ACOT7: variants seen among roughly 807,000 people sequenced by gnomAD.
ACOT7 encodes the protein acyl-CoA thioesterase 7.
A neutral mutation model predicts 40.2 loss-of-function variants in ACOT7; 12 were observed. The ratio of observed to expected loss-of-function variants is 0.30; its 90% CI spans 0.19 to 0.48. The LOEUF (loss-of-function observed/expected upper bound fraction) is 0.48, where lower values mean the gene tolerates loss of function less well. Among genes scored for constraint, ACOT7 ranks in the 20% least tolerant of loss-of-function variants. The pLI, the probability that ACOT7 is intolerant of heterozygous loss-of-function variation, is 0.99. For missense variants in ACOT7, 395 were observed against 530.8 expected, an observed-to-expected ratio of 0.74 and a Z score of 2.51; for synonymous variants, 228 against 219.5, an observed-to-expected ratio of 1.04 and a Z score of -0.34.
At chr1:6,390,688 C>T (rs1642517980) in intron 1 of ACOT7, among the ~76,000 whole-genome samples, 1 of 151,840 alleles carries the variant, frequency 6.6e-6, no homozygotes, top group Admixed American at 6.6e-5. Context: ...GTAATCCCAG[C>T]ACTTTGGGAG....
intron 6 of ACOT7, among the ~76,000 whole-genome samples, chr1:6,305,749 C>G (rs1196084468): frequency 6.7e-6 from 1 of 150,234 alleles, no homozygotes; most frequent in African/African-American, 2.4e-5. Flanking sequence ...AGACGACGGG[C>G]GGCCAGGCAG....
chr1:6,290,346 G>A lies in ACOT7; in HGVS notation c.829+4518C>T, dbSNP rs568688203. Among the ~76,000 whole-genome samples, 5 of 152,276 alleles carry A rather than the reference G, an allele frequency of 3.3e-5. No homozygotes were observed. In the East Asian group the frequency reaches 5.8e-4, roughly 18 times the overall value. ...TCATGGAGGCCACATGACTGGCAAC[G>A]GGTCTCAACTCCTGGGCTTTTCCCC... On this transcript the variant is annotated intron_variant, in intron 7 of 8. Coordinates refer to ENST00000361521, the MANE Select transcript of ACOT7 (RefSeq NM_007274.4).
At chr1:6,378,318 C>T (rs115323043) in intron 1 of ACOT7, among the ~76,000 whole-genome samples, 1,717 of 151,772 alleles carry the variant, frequency 0.011, 36 homozygotes, top group African/African-American at 0.039. Context: ...CGCCAGACTG[C>T]GGCAGATGGT....
At position 6,349,818 on chromosome 1, in the gene ACOT7, C is replaced by T. The variant is rs779581844; in HGVS notation, c.192G>A (p.Gly64=). The change falls in exon 2 of 9, where the codon GGG becomes GGA. Residue 64 remains glycine (G), a synonymous_variant. Coordinates refer to ENST00000361521, the MANE Select transcript of ACOT7 (RefSeq NM_007274.4). The part of the protein sequence containing the change: ...DANVAGNVHG[G]TILKMIEEAG... ...CCTCCTCGATCATCTTCAGGATGGT[C>T]CCCCCGTGGACATTGCCGGCCACGT... is the stretch of plus-strand genomic sequence containing the variant. The T allele has an allele frequency of 1.3e-5, 21 of 1,613,912 alleles. No individual in the cohort carries two copies. The South Asian group carries it at 1.9e-4, about 14-fold the overall frequency.
At chr1:6,318,650 G>A (rs949158489) in intron 5 of ACOT7, 72 bp from the exon 6 acceptor site, 19 of 1,469,728 alleles carry the variant, frequency 1.3e-5, no homozygotes, top group African/African-American at 8.3e-5. Context: ...TGGCAATGCC[G>A]AAACCACCCT....
Position 6,369,828 on chromosome 1 carries a change from C to T in ACOT7, c.144-19962G>A, listed in dbSNP as rs1642095042. The stretch of plus-strand genomic sequence containing the variant: ...CTCCTGAACAAAGGCAATCCACCTG[C>T]CTCAGCCTCCCAAAGTGTTAGGATT... On this transcript the variant is annotated intron_variant, in intron 1 of 8. Transcript: ENST00000361521. 3.9e-5 allele frequency among the ~76,000 whole-genome samples: 6 copies of T among 152,284 alleles called. No homozygotes were observed. In the South Asian group the frequency reaches 1.2e-3, roughly 32 times the overall value.
In ACOT7 at chr1:6,311,094, G is replaced by A. The variant is rs554524786; in HGVS notation, c.712+7398C>T. The stretch of plus-strand genomic sequence containing the variant: ...GTTTCTAAGGCTCAGATGAGTTTAG[G>A]AAACTCTATTGTGGCCCCTCTTCCC... On this transcript the variant is annotated intron_variant, in intron 6 of 8. Transcript: ENST00000361521. This position sits in a 1 kb window ranked among gnomAD's most constrained non-coding sequence, Gnocchi z 5.2. 5.3e-5 allele frequency among the ~76,000 whole-genome samples: 8 copies of A among 152,306 alleles called. No homozygotes were observed. In the East Asian group the frequency reaches 1.5e-3, roughly 29 times the overall value.
At chr1:6,351,967 G>T (rs1326860776) in intron 1 of ACOT7, among the ~76,000 whole-genome samples, 2 of 152,342 alleles carry the variant, frequency 1.3e-5, no homozygotes, top group Middle Eastern at 3.4e-3. Context: ...TGAGGACTCG[G>T]CACTTGGCGC....
At chr1:6,269,238 C>T (rs959179261) in intron 8 of ACOT7, among the ~76,000 whole-genome samples, 10 of 152,288 alleles carry the variant, frequency 6.6e-5, no homozygotes, top group East Asian at 5.8e-4. Flanking sequence ...CGTCCTATGC[C>T]GAGGGACTTT....
At position 6,306,159 on chromosome 1, in the gene ACOT7, G is replaced by A. The variant is rs879893629; in HGVS notation, c.713-11179C>T. 5,898 of 810,356 alleles carry A rather than the reference G, an allele frequency of 7.3e-3. 32 individuals are homozygous for A. Among genetic ancestry groups the A allele is most frequent in the Middle Eastern group, 0.031 (48 of 1,560 alleles). The allele number at this position is 810,356 out of a possible 1,614,324, so 50.2% of individuals were successfully genotyped here. ...CAGCAGCACAGTCCAGCTTCGGCTC[G>A]GCATCAGAGGGAGACCGTGGCAAGA... On this transcript the variant is annotated intron_variant, in intron 6 of 8. Transcript: ENST00000361521. This position sits in a 1 kb window ranked among gnomAD's most constrained non-coding sequence, Gnocchi z 4.3.
chr1:6,365,783 AT>A (rs1474205107), intron 1 of ACOT7, among the ~76,000 whole-genome samples: 5 of 133,742 alleles, frequency 3.7e-5, no homozygotes, highest in Non-Finnish European at 8.1e-5. Context: ...AAAAAAAAAA[AT>A]TTATTGCTAA....
chr1:6,305,588 A>C (rs1306493478), intron 6 of ACOT7, among the ~76,000 whole-genome samples: 1 of 148,282 alleles, frequency 6.7e-6, no homozygotes, highest in Non-Finnish European at 1.5e-5. Context: ...CACATCCCAG[A>C]CGGGGCGGCA....
At position 6,359,735 on chromosome 1, in the gene ACOT7, C is replaced by A. The variant is rs1459937379; in HGVS notation, c.144-9869G>T. Among the ~76,000 whole-genome samples the A allele has an allele frequency of 6.6e-6, 1 of 152,260 alleles. No homozygotes were observed. Among genetic ancestry groups the A allele is most frequent in the Non-Finnish European group, 1.5e-5 (1 of 68,044 alleles). ...GATGTGTTATCACCACAACCTCCCC[C>A]AATGCTGCCCCCACCAGGGCTGCTT... On this transcript the variant is annotated intron_variant, in intron 1 of 8. Coordinates refer to ENST00000361521, the MANE Select transcript of ACOT7 (RefSeq NM_007274.4). The surrounding 1 kb of genome is among the most constrained non-coding windows in gnomAD (Gnocchi z 4.1).
intron 6 of ACOT7, among the ~76,000 whole-genome samples, chr1:6,305,678 G>A (rs1213813265): frequency 1.3e-4 from 19 of 151,692 alleles, no homozygotes; most frequent in African/African-American, 4.4e-4. Context: ...GATGGCGGCC[G>A]GGCAGAGACG....
At chr1:6,390,199 G>A (rs755658685) in intron 1 of ACOT7, among the ~76,000 whole-genome samples, 1 of 152,142 alleles carries the variant, frequency 6.6e-6, no homozygotes, top group Non-Finnish European at 1.5e-5. Flanking sequence ...TGCACCTGAG[G>A]CTCACCTGCT....
intron 2 of ACOT7, 91 bp from the exon 3 acceptor site, chr1:6,339,680 C>A: frequency 6.7e-7 from 1 of 1,489,168 alleles, no homozygotes; most frequent in East Asian, 2.4e-5. Context: ...CGGTCTTTGC[C>A]TTTGCTTTCA....
intron 1 of ACOT7, among the ~76,000 whole-genome samples, chr1:6,387,687 C>A (rs573568638): frequency 6.6e-6 from 1 of 152,198 alleles, no homozygotes; most frequent in South Asian, 2.1e-4. Context: ...CTGACCAGAA[C>A]TGGGGAGCCA....
At position 6,324,267 on chromosome 1, in the gene ACOT7, G is replaced by A. The variant is rs1425189101; in HGVS notation, c.625+3032C>T. Among the ~76,000 whole-genome samples the A allele has an allele frequency of 3.3e-5, 5 of 152,218 alleles. No individual in the cohort carries two copies. In the East Asian group the frequency reaches 9.7e-4, roughly 29 times the overall value. On this transcript the variant is annotated intron_variant, in intron 5 of 8. Transcript: ENST00000361521. Reference sequence around the variant, plus strand: ...AAATGCTCAAGAAAGAATGGACATGGGACTTCCTAAGAAATATTTAAAAGC... The same window carrying A: ...AAATGCTCAAGAAAGAATGGACATGAGACTTCCTAAGAAATATTTAAAAGC...
In ACOT7 at chr1:6,352,578, C is replaced by T. The variant is rs115173569; in HGVS notation, c.144-2712G>A. Among the ~76,000 whole-genome samples, 979 of 151,792 alleles carry T rather than the reference C, an allele frequency of 6.4e-3. 12 individuals carry two copies. Among genetic ancestry groups the T allele is most frequent in the African/African-American group, 0.022 (918 of 41,286 alleles). On this transcript the variant is annotated intron_variant, in intron 1 of 8. Transcript: ENST00000361521. The surrounding 1 kb of genome is among the most constrained non-coding windows in gnomAD (Gnocchi z 4.5). ...GGAAGCTGCTGCGTCTCACTGGAGA[C>T]TTCGTTTTCCCATTTCTTTTTTTTT...
Sources: allele counts gnomAD v4.1 joint callset (sites outside exome capture counted in the v4.1 genomes callset), GRCh38; gene constraint gnomAD v4.1.1; non-coding constraint Gnocchi (gnomAD v3.1); transcripts MANE v1.5; gene names NCBI Gene and HGNC (gene_info 2026-07-23, HGNC 2026-07-21).